PLP2: variants seen among roughly 807,000 people sequenced by gnomAD.
PLP2 encodes proteolipid protein 2, also known as A4 differentiation-dependent protein.
A neutral mutation model predicts 11.4 loss-of-function variants in PLP2; 8 were observed. The ratio of observed to expected loss-of-function variants is 0.70; its 90% confidence interval spans 0.41 to 1.27. PLP2 has a LOEUF of 1.27. Among genes scored for constraint, PLP2 ranks in the 50% most tolerant of loss-of-function variants. The probability of loss-of-function intolerance (pLI) is 0.01; values close to 1 mark genes in which losing one functional copy is unlikely to be tolerated. For missense variants in PLP2, 127 were observed against 123.5 expected (o/e 1.03, Z -0.14); for synonymous variants, 50 against 53.2 (o/e 0.94, Z 0.26).
intron 3 of PLP2, 167 bp downstream of exon 3, chrX:49,173,650 C>G: frequency 9.6e-7 from 1 of 1,039,266 alleles, no homozygotes; most frequent in Non-Finnish European, 1.3e-6. Flanking sequence ...CTCCCAAGGT[C>G]TTCATTTGCT....
In PLP2 at chrX:49,174,697, G is replaced by C; in HGVS notation, c.*3G>C. On this transcript the variant is annotated 3_prime_UTR_variant, in exon 5 of 5. Transcript: ENST00000376327. ...ACCCCGCAGATGGCCCGGTGTAGGC[G>C]AACTTCCCTCATTTCTCTCTGCAAT... The C allele has an allele frequency of 8.3e-7, 1 of 1,199,306 alleles. No individual in the cohort carries two copies. The highest frequency in any genetic ancestry group is 1.1e-6 in the Non-Finnish European group (1 of 884,665).
chrX:49,173,612 G>A, intron 3 of PLP2, 129 bp downstream of exon 3: 1 of 1,162,136 alleles, frequency 8.6e-7, no homozygotes, highest in South Asian at 1.9e-5. Flanking sequence ...AGACATGGAG[G>A]AAAGTCTGGC....
intron 4 of PLP2, 103 bp downstream of exon 4, chrX:49,174,528 G>A (rs1256171069): frequency 4.6e-6 from 4 of 868,218 alleles, no homozygotes; most frequent in East Asian, 3.1e-5. Context: ...CTCTGGTCTC[G>A]TATTGGTACT....
chrX:49,171,918 C>A lies in PLP2; in HGVS notation c.-83C>A. 1 of 696,336 alleles carries A rather than the reference C, an allele frequency of 1.4e-6. No homozygotes were observed. The highest frequency in any genetic ancestry group is 2.2e-6 in the Non-Finnish European group (1 of 445,535). 57.4% of individuals were successfully genotyped at this position (696,336 alleles called of 1,213,427 possible). A position where few individuals can be genotyped will look rare whatever the true frequency, so the allele number is the denominator to read the frequency against. ...GCCCCCTTCCCGGCCAGACGGCGGG[C>A]AAGACAGCTGGGTGTACAGCGTCCT... On this transcript the variant is annotated 5_prime_UTR_variant, in exon 1 of 5. Coordinates refer to ENST00000376327, the MANE Select transcript of PLP2 (RefSeq NM_002668.3).
Position 49,173,238 on chromosome X carries a change from G to C in PLP2, c.206G>C (p.Cys69Ser). 8.3e-7 allele frequency: 1 copy of C among 1,211,163 alleles called. No homozygotes were observed. The highest frequency in any genetic ancestry group is 1.1e-6 in the Non-Finnish European group (1 of 895,034). Reference sequence around the variant, plus strand: ...GCTATTTTCTTTGTTGTCTACATGTGTGACCTGCACACCAAGATACCATTC... The same window carrying C: ...GCTATTTTCTTTGTTGTCTACATGTCTGACCTGCACACCAAGATACCATTC... ...LAAIFFVVYM[C>S]DLHTKIPFIN... The change falls in exon 2 of 5, where the codon TGT (cysteine) becomes TCT (serine). Residue 69 changes from cysteine to serine, a missense_variant. Transcript: ENST00000376327.
In PLP2 at chrX:49,173,449, T is replaced by C. The variant is rs1369086347; in HGVS notation, c.311T>C (p.Val104Ala). The C allele has an allele frequency of 3.3e-6, 4 of 1,211,822 alleles. No homozygotes were observed. Among genetic ancestry groups the C allele is most frequent in the Non-Finnish European group, 4.5e-6 (4 of 895,548 alleles). Residue 104 changes from valine to alanine, a missense_variant, in exon 3 of 5, where the codon GTT becomes GCT. Coordinates refer to ENST00000376327, the MANE Select transcript of PLP2 (RefSeq NM_002668.3). ...LYLITSIVVL[V>A]ERGNHSKIVA... ...CTGATCACCTCCATTGTTGTCCTTG[T>C]TGAGAGAGGAAACCACTCCAAAATC... is the stretch of plus-strand genomic sequence containing the variant.
intron 3 of PLP2, chrX:49,173,786 G>A (rs2065401042): frequency 8.9e-6 from 4 of 447,968 alleles, no homozygotes; most frequent in Non-Finnish European, 1.2e-5. Flanking sequence ...AATTGGGGCC[G>A]GGCGCAGTGG....
chrX:49,174,465 C>T lies in PLP2; in HGVS notation c.436+40C>T, dbSNP rs782067756. The T allele has an allele frequency of 6.5e-6, 7 of 1,081,434 alleles. No individual in the cohort carries two copies. The South Asian group carries it at 1.1e-4, about 17-fold the overall frequency. The allele number at this position is 1,081,434 out of a possible 1,213,427, so 89.1% of individuals were successfully genotyped here. On this transcript the variant is annotated intron_variant, in intron 4 of 4. Transcript: ENST00000376327. Reference sequence around the variant, plus strand: ...GTGTTGGTTGGGGGTAAGGGGGTTGCTGAGAGGGCAGAGGGAAAAAGGAAA... The same window carrying T: ...GTGTTGGTTGGGGGTAAGGGGGTTGTTGAGAGGGCAGAGGGAAAAAGGAAA...
intron 4 of PLP2, 41 bp downstream of exon 4, chrX:49,174,466 T>C: frequency 9.2e-7 from 1 of 1,085,438 alleles, no homozygotes; most frequent in Admixed American, 2.2e-5. Flanking sequence ...AGGGGGTTGC[T>C]GAGAGGGCAG....
At chrX:49,173,582 A>G (rs1557099500) in intron 3 of PLP2, 99 bp downstream of exon 3, 1 of 1,188,330 alleles carries the variant, frequency 8.4e-7, no homozygotes, top group Non-Finnish European at 1.1e-6. Flanking sequence ...TGTGACCCAC[A>G]GCAAGTCACA....
intron 1 of PLP2, 88 bp from the exon 2 acceptor site, chrX:49,173,041 G>T: frequency 1.2e-6 from 1 of 806,142 alleles, no homozygotes. Flanking sequence ...AGCCCTCGTA[G>T]GCATCTTAGT....
Position 49,174,653 on chromosome X carries a change from C to A in PLP2, c.437-19C>A, listed in dbSNP as rs1557099615. The stretch of plus-strand genomic sequence containing the variant: ...CATATAGATTCAGCCAATGCTTTCT[C>A]TCTTTTCCTCACCTGCAGACCCCGC... On this transcript the variant is annotated intron_variant, in intron 4 of 4. Coordinates refer to ENST00000376327, the MANE Select transcript of PLP2 (RefSeq NM_002668.3). The A allele has an allele frequency of 1.7e-6, 2 of 1,200,496 alleles. No homozygotes were observed. Among genetic ancestry groups the A allele is most frequent in the African/African-American group, 1.8e-5 (1 of 56,937 alleles).
At chrX:49,173,519 G>C (rs782660509) in intron 3 of PLP2, 36 bp downstream of exon 3, 6 of 1,209,724 alleles carry the variant, frequency 5.0e-6, no homozygotes, top group South Asian at 1.8e-5. Flanking sequence ...AGCACAGAGC[G>C]AAGGGTTTGA....
At chrX:49,174,631 A>G in intron 4 of PLP2, 41 bp from the exon 5 acceptor site, 1 of 1,180,759 alleles carries the variant, frequency 8.5e-7, no homozygotes, top group Non-Finnish European at 1.2e-6. Flanking sequence ...AAATGGGCAT[A>G]TAGATTCAGC....
In PLP2 at chrX:49,175,135, A is replaced by C; in HGVS notation, c.*441A>C. 5.0e-6 allele frequency: 1 copy of C among 200,260 alleles called. No individual in the cohort carries two copies. The highest frequency in any genetic ancestry group is 9.2e-6 in the Non-Finnish European group (1 of 108,756). The allele number at this position is 200,260 out of a possible 1,213,427, so 16.5% of individuals were successfully genotyped here. ...CTTTCATCAAATGTGGGTAAATTTC[A>C]AGCATCAGGAGGGGGAAATGGAGTG... is the stretch of plus-strand genomic sequence containing the variant. On this transcript the variant is annotated 3_prime_UTR_variant, in exon 5 of 5. Coordinates refer to ENST00000376327, the MANE Select transcript of PLP2 (RefSeq NM_002668.3).
intron 1 of PLP2, among the ~76,000 whole-genome samples, chrX:49,172,453 C>A (rs1388959283): frequency 8.1e-5 from 9 of 111,282 alleles, no homozygotes; most frequent in African/African-American, 2.6e-4. Context: ...CACAGGAGGG[C>A]GGGCTGGCAG....
At chrX:49,172,521 G>A (rs1298316851) in intron 1 of PLP2, among the ~76,000 whole-genome samples, 1 of 112,116 alleles carries the variant, frequency 8.9e-6, no homozygotes, top group Non-Finnish European at 1.9e-5. Flanking sequence ...CTAGTCCCGC[G>A]GTGTAGAGCG....
chrX:49,173,692 C>A, intron 3 of PLP2: 1 of 774,847 alleles, frequency 1.3e-6, no homozygotes, highest in Non-Finnish European at 1.9e-6. Context: ...GACACAAGGA[C>A]CTTGGTGAGA....
chrX:49,174,226 G>T, intron 3 of PLP2, 109 bp from the exon 4 acceptor site: 1 of 594,480 alleles, frequency 1.7e-6, no homozygotes, highest in Non-Finnish European at 2.9e-6. Flanking sequence ...CGGTGCTTGA[G>T]TCCCATCCTG....
Sources: gnomAD v4.1 joint callset for allele counts (sites outside exome capture counted in the v4.1 genomes callset) on GRCh38, gnomAD v4.1.1 for gene constraint, MANE v1.5 for transcripts, NCBI Gene and HGNC (gene_info 2026-07-23, HGNC 2026-07-21) for gene names.